Variants in CYP7B1 observed in about 807,000 individuals in gnomAD.
CYP7B1 encodes cytochrome P450 7B1.
CYP7B1 carries 29 observed loss-of-function variants against 42.7 expected under a neutral mutation model. That is an observed-to-expected ratio of 0.68 (90% CI 0.51 to 0.93). The LOEUF (loss-of-function observed/expected upper bound fraction) is 0.93, where lower values mean the gene tolerates loss of function less well. CYP7B1 is among the 40% of genes least tolerant of loss of function. CYP7B1 has a pLI of 0.00. For missense variants in CYP7B1, 655 were observed against 600.5 expected, an observed-to-expected ratio of 1.09 and a Z score of -0.95; for synonymous variants, 235 against 218.2, an observed-to-expected ratio of 1.08 and a Z score of -0.68.
In CYP7B1 at chr8:64,721,348, T is replaced by C. The variant is rs532430540; in HGVS notation, c.122+77118A>G. ...CTTTGCTCAAACAGGATCATATAGA[T>C]ATCATTTTTTCCCACTAATTTAAAA... On this transcript the variant is annotated intron_variant, in intron 1 of 5. Coordinates refer to ENST00000310193, the MANE Select transcript of CYP7B1 (RefSeq NM_004820.5). Among the ~76,000 whole-genome samples, 5 of 152,290 alleles carry C rather than the reference T, an allele frequency of 3.3e-5. No individual in the cohort carries two copies. The East Asian group carries it at 9.6e-4, about 29-fold the overall frequency.
chr8:64,701,386 C>G (rs1806914746), intron 1 of CYP7B1, among the ~76,000 whole-genome samples: 1 of 152,008 alleles, frequency 6.6e-6, no homozygotes, highest in South Asian at 2.1e-4. Flanking sequence ...TAAACTCTTT[C>G]TTTATGGGCA....
At chr8:64,739,887 A>C (rs982772234) in intron 1 of CYP7B1, among the ~76,000 whole-genome samples, 3 of 152,188 alleles carry the variant, frequency 2.0e-5, no homozygotes, top group Non-Finnish European at 4.4e-5. Context: ...AAGTGTTGAA[A>C]GGAAAAAAAT....
At chr8:64,789,072 C>T (rs1479439805) in intron 1 of CYP7B1, among the ~76,000 whole-genome samples, 4 of 152,066 alleles carry the variant, frequency 2.6e-5, no homozygotes, top group Non-Finnish European at 5.9e-5. Context: ...AGGCACGCAC[C>T]ATCATGCCCA....
rs192136826 is a variant in CYP7B1 at position 64,725,386 on chromosome 8, G to A, written c.122+73080C>T. 5.6e-4 allele frequency among the ~76,000 whole-genome samples: 85 copies of A among 152,300 alleles called. No individual in the cohort carries two copies. In the Middle Eastern group the frequency reaches 0.017, roughly 30 times the overall value. ...TTATACTTTTGGAGAATCACTGAACGTCTCTCTCCACTTTCCCCCTGTGTC... is the reference window on the plus strand; with the variant it reads ...TTATACTTTTGGAGAATCACTGAACATCTCTCTCCACTTTCCCCCTGTGTC... On this transcript the variant is annotated intron_variant, in intron 1 of 5. Transcript: ENST00000310193.
chr8:64,767,280 C>A (rs187466372), intron 1 of CYP7B1, among the ~76,000 whole-genome samples: 2 of 152,094 alleles, frequency 1.3e-5, no homozygotes, highest in Admixed American at 1.3e-4. Flanking sequence ...ATTGGCAGTA[C>A]AGAAACCTAA....
intron 1 of CYP7B1, among the ~76,000 whole-genome samples, chr8:64,755,859 T>C (rs1375371994): frequency 6.6e-6 from 1 of 151,932 alleles, no homozygotes; most frequent in Non-Finnish European, 1.5e-5. Flanking sequence ...TTAGGGGGAG[T>C]CAACATTTCA....
chr8:64,639,147 C>T (rs1400695042), intron 1 of CYP7B1, among the ~76,000 whole-genome samples: 3 of 151,564 alleles, frequency 2.0e-5, no homozygotes, highest in African/African-American at 7.3e-5. Context: ...ACAGAAGCTA[C>T]TGTTAGATTT....
At chr8:64,713,192 C>T (rs569835390) in intron 1 of CYP7B1, among the ~76,000 whole-genome samples, 1 of 151,920 alleles carries the variant, frequency 6.6e-6, no homozygotes, top group South Asian at 2.1e-4. Context: ...GTTTCCAGAC[C>T]CACCCTTAAA....
Position 64,776,976 on chromosome 8 carries a change from C to T in CYP7B1, c.122+21490G>A, listed in dbSNP as rs1408255900. 2.0e-5 allele frequency among the ~76,000 whole-genome samples: 3 copies of T among 152,024 alleles called. No individual in the cohort carries two copies. In the East Asian group the frequency reaches 5.8e-4, roughly 29 times the overall value. On this transcript the variant is annotated intron_variant, in intron 1 of 5. Transcript: ENST00000310193. ...CTTGTCAGAAAAATACATAGAATTT[C>T]CTGTTCCTTTGGGTCTTTATTTCTG...
At chr8:64,776,979 G>A (rs1804336456) in intron 1 of CYP7B1, among the ~76,000 whole-genome samples, 1 of 152,032 alleles carries the variant, frequency 6.6e-6, no homozygotes, top group South Asian at 2.1e-4. Context: ...AGAATTTCCT[G>A]TTCCTTTGGG....
At chr8:64,644,756 A>C (rs1396548855) in intron 1 of CYP7B1, among the ~76,000 whole-genome samples, 1 of 151,986 alleles carries the variant, frequency 6.6e-6, no homozygotes, top group African/African-American at 2.4e-5. Context: ...AGATTTCCAC[A>C]TTCTTTTATT....
chr8:64,612,761 C>A (rs1288728173), intron 4 of CYP7B1, among the ~76,000 whole-genome samples: 1 of 151,926 alleles, frequency 6.6e-6, no homozygotes. Flanking sequence ...AAAGTTTAAA[C>A]TTTTTTTTAA....
At chr8:64,661,302 A>T (rs560924526) in intron 1 of CYP7B1, among the ~76,000 whole-genome samples, 10 of 152,324 alleles carry the variant, frequency 6.6e-5, no homozygotes, top group Non-Finnish European at 1.0e-4. Flanking sequence ...TTCTAATAAA[A>T]ATTAAACAGC....
intron 1 of CYP7B1, among the ~76,000 whole-genome samples, chr8:64,779,228 G>A (rs192846316): frequency 1.3e-5 from 2 of 152,196 alleles, no homozygotes; most frequent in African/African-American, 4.8e-5. Context: ...CAAACATTGT[G>A]AGTTTGAACT....
chr8:64,619,545 C>T (rs549182465), intron 2 of CYP7B1, among the ~76,000 whole-genome samples: 41 of 152,178 alleles, frequency 2.7e-4, no homozygotes, highest in Non-Finnish European at 3.4e-4. Context: ...TTCTTAGATG[C>T]AGTAAATTTG....
At chr8:64,787,629 T>G (rs1804548789) in intron 1 of CYP7B1, among the ~76,000 whole-genome samples, 1 of 152,206 alleles carries the variant, frequency 6.6e-6, no homozygotes, top group Non-Finnish European at 1.5e-5. Context: ...CATTTTCCTG[T>G]ATTTTTCTGA....
chr8:64,757,790 AT>A (rs775249368), intron 1 of CYP7B1, among the ~76,000 whole-genome samples: 68 of 152,242 alleles, frequency 4.5e-4, no homozygotes, highest in Non-Finnish European at 7.1e-4. Context: ...ATACTCACAC[AT>A]GTGACTCTGG....
intron 1 of CYP7B1, among the ~76,000 whole-genome samples, chr8:64,684,075 T>C (rs1806583243): frequency 6.6e-6 from 1 of 152,262 alleles, no homozygotes; most frequent in South Asian, 2.1e-4. Context: ...TTACAGGGTA[T>C]GATCTGTCTC....
intron 5 of CYP7B1, 36 bp downstream of exon 5, chr8:64,604,646 T>C (rs781125509): frequency 2.0e-5 from 32 of 1,612,432 alleles, no homozygotes; most frequent in Middle Eastern, 1.6e-4. Context: ...CCACAGGATC[T>C]AAGAAGTAGC....
Sources: allele counts gnomAD v4.1 joint callset (sites outside exome capture counted in the v4.1 genomes callset), GRCh38; gene constraint gnomAD v4.1.1; transcripts MANE v1.5; gene names NCBI Gene and HGNC (gene_info 2026-07-23, HGNC 2026-07-21).